HEATR4: variants seen among roughly 807,000 people sequenced by gnomAD.
HEATR4 encodes the protein HEAT repeat-containing protein 4.
Under a neutral mutation model 108.8 loss-of-function variants are expected in HEATR4, and 95 were observed. The ratio of observed to expected loss-of-function variants is 0.87; its 90% confidence interval spans 0.74 to 1.04. The LOEUF (loss-of-function observed/expected upper bound fraction) is 1.04. HEATR4 is among the 50% of genes least tolerant of loss of function. The probability of loss-of-function intolerance (pLI) is 0.00; values close to 1 mark genes in which losing one functional copy is unlikely to be tolerated. For synonymous variants in HEATR4, 443 were observed against 459.4 expected (o/e 0.96, Z 0.46); for missense variants, 1,152 against 1,253.8 (o/e 0.92, Z 1.23).
At chr14:73,583,726 G>A in the HEATR4 span, among the ~76,000 whole-genome samples, 4 of 152,118 alleles carry the variant, frequency 2.6e-5, no homozygotes, top group Admixed American at 1.3e-4. Context: ...CAGGCCAGGC[G>A]CGGTGGCTCA....
chr14:73,525,298 G>A lies in HEATR4; in HGVS notation c.-72-2074C>T, dbSNP rs936992627. ...TCTGCCTGCCTTGGCTTCTCAAAGC[G>A]TTGGGATTACAGGTGTGAGCTACAG... is the stretch of plus-strand genomic sequence containing the variant. On this transcript the variant is annotated intron_variant, in intron 2 of 17. Coordinates refer to ENST00000553558, the MANE Select transcript of HEATR4 (RefSeq NM_001220484.1). Among the ~76,000 whole-genome samples, 4 of 152,138 alleles carry A rather than the reference G, an allele frequency of 2.6e-5. No individual in the cohort carries two copies. In the East Asian group the frequency reaches 5.8e-4, roughly 22 times the overall value.
the HEATR4 span, among the ~76,000 whole-genome samples, chr14:73,593,313 A>C: frequency 6.6e-6 from 1 of 150,534 alleles, no homozygotes; most frequent in East Asian, 2.0e-4. Context: ...GTTTTGTTTC[A>C]ATCTTTTTTC....
intron 11 of HEATR4, 44 bp from the exon 12 acceptor site, chr14:73,500,774 A>G (rs1200623695): frequency 6.3e-7 from 1 of 1,582,668 alleles, no homozygotes; most frequent in Admixed American, 1.7e-5. Flanking sequence ...TTAAACTTTC[A>G]GTACCTAACC....
the HEATR4 span, among the ~76,000 whole-genome samples, chr14:73,564,793 C>T: frequency 1.4e-5 from 2 of 140,858 alleles, no homozygotes. Context: ...TCGAACTCCT[C>T]CTGGGCTCAA....
chr14:73,493,908 A>G (rs1235899760), intron 16 of HEATR4, among the ~76,000 whole-genome samples: 1 of 152,230 alleles, frequency 6.6e-6, no homozygotes, highest in East Asian at 1.9e-4. Context: ...GGGATAATTT[A>G]TGCTATTTAA....
chr14:73,602,286 GACCA>G, the HEATR4 span, among the ~76,000 whole-genome samples: 1 of 152,280 alleles, frequency 6.6e-6, no homozygotes, highest in East Asian at 1.9e-4. Context: ...AAGGGATCAT[GACCA>G]ACCTAGCATT....
intron 10 of HEATR4, among the ~76,000 whole-genome samples, chr14:73,505,093 G>C (rs1464477507): frequency 2.0e-5 from 3 of 152,070 alleles, no homozygotes; most frequent in Admixed American, 2.0e-4. Flanking sequence ...ACCATGCCCA[G>C]CTAATTAGAG....
At chr14:73,524,310 A>AAAAAAAAAAAAAAAAATATATATAT in intron 2 of HEATR4, among the ~76,000 whole-genome samples, 2 of 54,784 alleles carry the variant, frequency 3.7e-5, no homozygotes, top group African/African-American at 1.8e-4. Flanking sequence ...AAAAAAAAAA[A>AAAAAAAAAAAAAAAAATATATATAT]ATATATATAT....
Position 73,522,502 on chromosome 14 carries a change from C to T in HEATR4, c.651G>A (p.Trp217Ter), listed in dbSNP as rs781045338. The T allele has an allele frequency of 3.1e-6, 5 of 1,614,232 alleles. No individual in the cohort carries two copies. The highest frequency in any genetic ancestry group is 1.6e-4 in the Middle Eastern group (1 of 6,062). Residue 217 changes from tryptophan to a stop codon, truncating the protein, a stop_gained, in exon 3 of 18, where the codon TGG becomes TGA. Coordinates refer to ENST00000553558, the MANE Select transcript of HEATR4 (RefSeq NM_001220484.1). LOFTEE classifies it high-confidence loss of function. ...GCCTTCGAGGACGCTTGCTCTGGAT[C>T]CATCGGGCTGTGCGCTCGTTCAGCT... ...LEKLNERTAR[W>*]IQSKRPRRPG...
chr14:73,508,268 C>A lies in HEATR4; in HGVS notation c.1747G>T (p.Ala583Ser). 6.2e-7 allele frequency: 1 copy of A among 1,613,982 alleles called. No individual in the cohort carries two copies. The highest frequency in any genetic ancestry group is 8.5e-7 in the Non-Finnish European group (1 of 1,179,992). ...KGNSVDSWAA[A>S]QCLALEGTAT... ...GTACCTTCCAGAGCCAAGCACTGAGCTGCAGCCCAGCTATCCACACTGTTA... is the reference window on the plus strand; with the variant it reads ...GTACCTTCCAGAGCCAAGCACTGAGATGCAGCCCAGCTATCCACACTGTTA... The change falls in exon 9 of 18, where the codon GCT (alanine) becomes TCT (serine). Residue 583 changes from alanine to serine, a missense_variant. Physicochemically the swap from Ala to Ser is moderately conservative, Grantham distance 99. Coordinates refer to ENST00000553558, the MANE Select transcript of HEATR4 (RefSeq NM_001220484.1).
chr14:73,479,128 T>TG (rs1207480629), intron 17 of HEATR4, among the ~76,000 whole-genome samples: 1,755 of 140,884 alleles, frequency 0.012, 40 homozygotes, highest in African/African-American at 0.044. Flanking sequence ...TTTGTTTGTT[T>TG]TTTTTGAGAC....
intron 8 of HEATR4, 50 bp from the exon 9 acceptor site, chr14:73,508,344 C>T (rs770361708): frequency 1.3e-6 from 2 of 1,571,196 alleles, no homozygotes; most frequent in Non-Finnish European, 1.7e-6. Context: ...TGTTTTCCCC[C>T]TAGAGAACAG....
At chr14:73,498,093 G>A in intron 14 of HEATR4, 62 bp downstream of exon 14, 1 of 1,467,528 alleles carries the variant, frequency 6.8e-7, no homozygotes, top group East Asian at 2.3e-5. Context: ...CATATTCAAT[G>A]AGCAAAGATG....
the HEATR4 span, chr14:73,571,666 G>GTC: frequency 1.0e-3 from 159 of 151,660 alleles, 3 homozygotes; most frequent in Admixed American, 0.01. Flanking sequence ...CGCGGTCCCT[G>GTC]TCCATCAGCA....
chr14:73,491,533 G>A, intron 17 of HEATR4: 1 of 1,529,148 alleles, frequency 6.5e-7, no homozygotes. Context: ...GGCCGCAGGT[G>A]GATAACACGG....
rs140644523 is a variant in HEATR4 at position 73,532,695 on chromosome 14, T to C, written c.-151-2451A>G. 8.5e-3 allele frequency among the ~76,000 whole-genome samples: 975 copies of C among 115,222 alleles called. 230 individuals are homozygous for C. Among genetic ancestry groups the C allele is most frequent in the African/African-American group, 0.021 (751 of 35,486 alleles). The allele number at this position is 115,222 out of a possible 152,430, so 75.6% of individuals were successfully genotyped here. On this transcript the variant is annotated intron_variant, in intron 1 of 17. Coordinates refer to ENST00000553558, the MANE Select transcript of HEATR4 (RefSeq NM_001220484.1). ...CTAGGCCGGGTGCAGTGGCTCACGC[T>C]CATAATCCTAGCACTTTGGGAGGCC...
chr14:73,632,661 TG>T, the HEATR4 span, among the ~76,000 whole-genome samples: 4 of 151,880 alleles, frequency 2.6e-5, no homozygotes, highest in African/African-American at 4.8e-5. Context: ...CTGGCCAACA[TG>T]GTGAAACCCC....
the HEATR4 span, among the ~76,000 whole-genome samples, chr14:73,617,599 C>T: frequency 1.3e-5 from 2 of 152,126 alleles, no homozygotes; most frequent in Non-Finnish European, 2.9e-5. Context: ...CTGCATCTAC[C>T]ACAGAGTGGC....
At chr14:73,615,402 A>AC in the HEATR4 span, among the ~76,000 whole-genome samples, 1 of 79,960 alleles carries the variant, frequency 1.3e-5, no homozygotes, top group Non-Finnish European at 3.0e-5. Flanking sequence ...AAAAAAAAAA[A>AC]AAAAACAAAA....
Sources: allele counts gnomAD v4.1 joint callset (sites outside exome capture counted in the v4.1 genomes callset), GRCh38; gene constraint gnomAD v4.1.1; transcripts MANE v1.5; gene names NCBI Gene and HGNC (gene_info 2026-07-23, HGNC 2026-07-21).